The following QTGAL variants were observed in gnomAD, a reference collection of about 807,000 sequenced individuals.
The protein encoded by QTGAL is BGnT-like protein 1.
At chr17:83,027,364 G>A in the QTGAL span, among the ~76,000 whole-genome samples, 9 of 152,310 alleles carry the variant, frequency 5.9e-5, no homozygotes, top group South Asian at 1.2e-3. Context: ...TGCCACATAC[G>A]GAAATTAACT....
the QTGAL span, chr17:82,942,592 T>A: frequency 3.2e-6 from 4 of 1,269,252 alleles, no homozygotes; most frequent in Non-Finnish European, 4.5e-6. Context: ...CCTTGGAGGC[T>A]GGCACTAGCT....
the QTGAL span, among the ~76,000 whole-genome samples, chr17:82,991,611 A>C: frequency 6.6e-6 from 1 of 152,208 alleles, no homozygotes; most frequent in Non-Finnish European, 1.5e-5. Flanking sequence ...CATAGACTGC[A>C]AAGACTATAT....
the QTGAL span, chr17:82,961,185 C>A: frequency 6.2e-7 from 1 of 1,605,392 alleles, no homozygotes. Context: ...GGACGCCCTG[C>A]AGGGCGGGAG....
the QTGAL span, among the ~76,000 whole-genome samples, chr17:83,046,907 C>T: frequency 1.1e-4 from 16 of 152,132 alleles, no homozygotes; most frequent in Admixed American, 7.2e-4. Flanking sequence ...GAACGGAGCA[C>T]GATACATGCC....
At chr17:82,999,052 C>A in the QTGAL span, among the ~76,000 whole-genome samples, 1 of 152,082 alleles carries the variant, frequency 6.6e-6, no homozygotes, top group Admixed American at 6.5e-5. Flanking sequence ...AATGGTGCAA[C>A]CAATTTGGAA....
the QTGAL span, among the ~76,000 whole-genome samples, chr17:83,027,991 G>A: frequency 1.3e-5 from 2 of 152,056 alleles, no homozygotes; most frequent in Non-Finnish European, 2.9e-5. Flanking sequence ...GTATGCACCT[G>A]TAGTCCCAGC....
chr17:82,971,215 G>A, the QTGAL span, among the ~76,000 whole-genome samples: 1,431 of 152,260 alleles, frequency 9.4e-3, 25 homozygotes, highest in African/African-American at 0.032. Flanking sequence ...CGTTTCTATC[G>A]GACAGAATTA....
chr17:82,961,136 C>A, the QTGAL span: 1 of 1,608,084 alleles, frequency 6.2e-7, no homozygotes, highest in East Asian at 2.2e-5. Context: ...ACGCCGCCGC[C>A]CTTCCTGAGG....
the QTGAL span, chr17:83,051,745 C>T: frequency 1.3e-6 from 2 of 1,497,720 alleles, no homozygotes; most frequent in East Asian, 2.8e-5. Context: ...ACCACGTGGG[C>T]CTGCATGGCC....
the QTGAL span, among the ~76,000 whole-genome samples, chr17:82,986,753 G>A: frequency 0.095 from 14,452 of 152,278 alleles, 749 homozygotes; most frequent in African/African-American, 0.12. Context: ...CAGTTTTACT[G>A]CAGATCAAAA....
the QTGAL span, chr17:82,949,492 C>G: frequency 6.6e-6 from 1 of 152,178 alleles, no homozygotes; most frequent in South Asian, 2.1e-4. Context: ...GCCCTGAGAC[C>G]CGCAAGCTGC....
chr17:82,964,899 T>C, the QTGAL span, among the ~76,000 whole-genome samples: 1 of 110,760 alleles, frequency 9.0e-6, no homozygotes, highest in East Asian at 3.1e-4. Context: ...CACGGACGCC[T>C]GCAGGTGCAC....
the QTGAL span, among the ~76,000 whole-genome samples, chr17:83,040,995 G>A: frequency 6.6e-6 from 1 of 151,568 alleles, no homozygotes; most frequent in African/African-American, 2.4e-5. Context: ...GAACTTGGGA[G>A]GCAGAGCTTG....
At chr17:82,969,961 T>C in the QTGAL span, among the ~76,000 whole-genome samples, 2 of 152,062 alleles carry the variant, frequency 1.3e-5, no homozygotes, top group Non-Finnish European at 2.9e-5. Context: ...ACTCTGGGTG[T>C]GAGTCACCGT....
chr17:82,986,684 G>A, the QTGAL span, among the ~76,000 whole-genome samples: 4 of 152,240 alleles, frequency 2.6e-5, no homozygotes, highest in African/African-American at 9.6e-5. Flanking sequence ...TGGAATAGTT[G>A]ATGCCGTCAT....
At chr17:82,986,258 C>G in the QTGAL span, among the ~76,000 whole-genome samples, 1 of 152,216 alleles carries the variant, frequency 6.6e-6, no homozygotes. Context: ...AGCCCGACCC[C>G]GTGGCCACAG....
the QTGAL span, chr17:82,947,846 T>G: frequency 1.3e-5 from 2 of 152,444 alleles, no homozygotes; most frequent in Admixed American, 6.5e-5. Flanking sequence ...CCACACACTC[T>G]GCCGCTATCT....
At chr17:82,974,780 C>T in the QTGAL span, among the ~76,000 whole-genome samples, 2 of 152,178 alleles carry the variant, frequency 1.3e-5, no homozygotes, top group Admixed American at 6.5e-5. Context: ...CTTGGAACAG[C>T]GGCAGGAGGC....
chr17:82,965,838 T>G, the QTGAL span: 7 of 1,305,910 alleles, frequency 5.4e-6, no homozygotes, highest in Admixed American at 1.4e-4. Context: ...CACGAGAAAG[T>G]GACAGATGAA....
Sources: gnomAD v4.1 joint callset for allele counts (sites outside exome capture counted in the v4.1 genomes callset) on GRCh38, gnomAD v4.1.1 for gene constraint, MANE v1.5 for transcripts, NCBI Gene and HGNC (gene_info 2026-07-23, HGNC 2026-07-21) for gene names.